The following ENTPD1 variants were observed in gnomAD, a reference collection of about 807,000 sequenced individuals.
ENTPD1 encodes the protein ectonucleoside triphosphate diphosphohydrolase 1.
A neutral mutation model predicts 57.0 loss-of-function variants in ENTPD1; 33 were observed. That is an observed-to-expected ratio of 0.58 (90% confidence interval 0.44 to 0.77). The LOEUF is 0.77. Among genes scored for constraint, ENTPD1 ranks in the 30% least tolerant of loss-of-function variants. The pLI is 0.00. For synonymous variants in ENTPD1, 202 were observed against 218.8 expected (o/e 0.92, Z 0.68); for missense variants, 501 against 603.4 (o/e 0.83, Z 1.78).
rs561796671 is a variant in ENTPD1 at position 95,870,369 on chromosome 10, C to T, written c.*3986C>T. The stretch of plus-strand genomic sequence containing the variant: ...GCATGATCATGGCTCACTGCAGCCT[C>T]GACCTCCCAAGCTCAAGCAAGGCTA... On this transcript the variant is annotated 3_prime_UTR_variant, in exon 10 of 10. Coordinates refer to ENST00000371205, the MANE Select transcript of ENTPD1 (RefSeq NM_001776.6). The T allele has an allele frequency of 3.3e-5, 29 of 880,216 alleles. No individual in the cohort carries two copies. In the African/African-American group the frequency reaches 4.0e-4, roughly 12 times the overall value. 54.5% of individuals were successfully genotyped at this position (880,216 alleles called of 1,614,324 possible). A position where few individuals can be genotyped will look rare whatever the true frequency, so the allele number is the denominator to read the frequency against.
chr10:95,796,463 C>T (rs2098226526), intron 1 of ENTPD1, among the ~76,000 whole-genome samples: 1 of 152,010 alleles, frequency 6.6e-6, no homozygotes, highest in South Asian at 2.1e-4. Flanking sequence ...AATACTGTTT[C>T]AGGTACAAGA....
intron 2 of ENTPD1, chr10:95,839,408 A>C (rs746017912): frequency 1.4e-5 from 6 of 432,196 alleles, no homozygotes; most frequent in Non-Finnish European, 2.6e-5. Context: ...TTGGCTGCAC[A>C]TTAGAATCAC....
intron 9 of ENTPD1, 23 bp from the exon 10 acceptor site, chr10:95,866,154 C>T (rs778101959): frequency 6.2e-7 from 1 of 1,607,394 alleles, no homozygotes; most frequent in East Asian, 2.2e-5. Flanking sequence ...CAACCACAAA[C>T]AGACTTTCCC....
rs1377966879 is a variant in ENTPD1, at chr10:95,869,026, T to C, written c.*2643T>C. The C allele has an allele frequency of 4.4e-5, 43 of 985,110 alleles. No homozygotes were observed. Among genetic ancestry groups the C allele is most frequent in the Non-Finnish European group, 4.8e-5 (40 of 829,908 alleles). The allele number at this position is 985,110 out of a possible 1,614,324, so 61.0% of individuals were successfully genotyped here. On this transcript the variant is annotated 3_prime_UTR_variant, in exon 10 of 10. Transcript: ENST00000371205. The stretch of plus-strand genomic sequence containing the variant: ...TTTGGGCCACTCTGGGTGGGGTAGG[T>C]GAAATAAGATTGGTCACTGTTAACT...
intron 1 of ENTPD1, among the ~76,000 whole-genome samples, chr10:95,813,276 A>G (rs186290955): frequency 3.3e-5 from 5 of 152,342 alleles, no homozygotes; most frequent in South Asian, 2.1e-4. Context: ...TCAATAAGCT[A>G]TAGAAGGAGT....
At chr10:95,717,214 A>G (rs1336178053) in intron 1 of ENTPD1, among the ~76,000 whole-genome samples, 1 of 152,216 alleles carries the variant, frequency 6.6e-6, no homozygotes, top group Non-Finnish European at 1.5e-5. Context: ...GCTTTAAGTA[A>G]GCTACAATCC....
At chr10:95,816,072 A>G (rs2098329262) in intron 1 of ENTPD1, among the ~76,000 whole-genome samples, 1 of 152,138 alleles carries the variant, frequency 6.6e-6, no homozygotes. Flanking sequence ...TGCTCCCGGC[A>G]AGTCATCTTC....
At chr10:95,752,599 G>A (rs1283978961), upstream of ENTPD1, among the ~76,000 whole-genome samples, 2 of 152,192 alleles carry the variant, frequency 1.3e-5, no homozygotes, top group Non-Finnish European at 2.9e-5. Flanking sequence ...AGGGGTTGCG[G>A]TGAGCCGAGA....
the ENTPD1 span, among the ~76,000 whole-genome samples, chr10:95,696,188 A>C: frequency 6.6e-6 from 1 of 152,096 alleles, no homozygotes; most frequent in East Asian, 1.9e-4. Flanking sequence ...ACTTTTTTTT[A>C]GAAAAGTTAT....
chr10:95,730,311 C>A (rs1294385950), intron 1 of ENTPD1, among the ~76,000 whole-genome samples: 4 of 152,006 alleles, frequency 2.6e-5, no homozygotes, highest in African/African-American at 9.7e-5. Context: ...TGTCTCAGCC[C>A]CCTGAAATGC....
chr10:95,868,450 G>A lies in ENTPD1; in HGVS notation c.*2067G>A, dbSNP rs1211248154. 3 of 985,244 alleles carry A rather than the reference G, an allele frequency of 3.0e-6. No homozygotes were observed. Among genetic ancestry groups the A allele is most frequent in the Non-Finnish European group, 3.6e-6 (3 of 829,950 alleles). 61.0% of individuals were successfully genotyped at this position (985,244 alleles called of 1,614,324 possible). On this transcript the variant is annotated 3_prime_UTR_variant, in exon 10 of 10. Coordinates refer to ENST00000371205, the MANE Select transcript of ENTPD1 (RefSeq NM_001776.6). ...CTAATCAGTGGTTCCCATACCCCTG[G>A]CTTCCTAATTTTAATGTTTGCTCAC...
chr10:95,801,994 T>G (rs571117541), intron 1 of ENTPD1, among the ~76,000 whole-genome samples: 1 of 152,330 alleles, frequency 6.6e-6, no homozygotes, highest in South Asian at 2.1e-4. Context: ...TTGTGTCATC[T>G]CTGACTTTTT....
At chr10:95,763,027 T>A (rs1458206307) in intron 1 of ENTPD1, among the ~76,000 whole-genome samples, 1 of 152,156 alleles carries the variant, frequency 6.6e-6, no homozygotes, top group Non-Finnish European at 1.5e-5. Context: ...GTGCATGCTT[T>A]ATCATATAAA....
intron 2 of ENTPD1, among the ~76,000 whole-genome samples, chr10:95,830,543 C>T (rs921904151): frequency 6.6e-6 from 1 of 152,108 alleles, no homozygotes; most frequent in African/African-American, 2.4e-5. Flanking sequence ...TGGTGGCTCA[C>T]TCCTGTAATC....
intron 1 of ENTPD1, among the ~76,000 whole-genome samples, chr10:95,770,009 T>C (rs1237308921): frequency 6.6e-6 from 1 of 151,938 alleles, no homozygotes; most frequent in East Asian, 1.9e-4. Context: ...ATAGAGCAGA[T>C]GGATATACAA....
intron 1 of ENTPD1, among the ~76,000 whole-genome samples, chr10:95,795,664 T>G (rs1455104463): frequency 1.3e-5 from 2 of 152,136 alleles, no homozygotes; most frequent in Non-Finnish European, 2.9e-5. Context: ...ATCTAGAACA[T>G]GAAAATTTAG....
At position 95,866,359 on chromosome 10, in the gene ENTPD1, A is replaced by T; in HGVS notation, c.1509A>T (p.Ser503=). The part of the protein sequence containing the change: ...IIGLLIFHKP[S]YFWKDMV ...GCTTGCTTATCTTTCACAAGCCTTC[A>T]TATTTCTGGAAAGATATGGTATAGC... Residue 503 remains serine, a synonymous_variant, in exon 10 of 10, where the codon TCA becomes TCT. Transcript: ENST00000371205. 1 of 1,614,112 alleles carries T rather than the reference A, an allele frequency of 6.2e-7. No homozygotes were observed.
intron 1 of ENTPD1, among the ~76,000 whole-genome samples, chr10:95,799,312 T>C (rs541741424): frequency 6.6e-6 from 1 of 152,228 alleles, no homozygotes; most frequent in South Asian, 2.1e-4. Context: ...CACCCTCCAA[T>C]AGGCCCTAGT....
chr10:95,849,673 C>T (rs1159235110), intron 7 of ENTPD1, among the ~76,000 whole-genome samples: 1 of 152,264 alleles, frequency 6.6e-6, no homozygotes, highest in Non-Finnish European at 1.5e-5. Context: ...GTCTACCCTC[C>T]CCTCAAGGTT....
Sources: allele counts gnomAD v4.1 joint callset (sites outside exome capture counted in the v4.1 genomes callset), GRCh38; gene constraint gnomAD v4.1.1; transcripts MANE v1.5; gene names NCBI Gene and HGNC (gene_info 2026-07-23, HGNC 2026-07-21).